GRIA4: variants seen among roughly 807,000 people sequenced by gnomAD.
GRIA4 encodes the protein glutamate ionotropic receptor AMPA type subunit 4.
In GRIA4, 34 loss-of-function variants were observed where a neutral mutation model predicts 104.0. That is an observed-to-expected ratio of 0.33 (90% CI 0.25 to 0.44). The LOEUF (loss-of-function observed/expected upper bound fraction) is 0.44. GRIA4 is among the 20% of genes least tolerant of loss of function. The probability of loss-of-function intolerance (pLI) is 1.00; values close to 1 mark genes in which losing one functional copy is unlikely to be tolerated. For missense variants in GRIA4, 750 were observed against 1,096.5 expected, an observed-to-expected ratio of 0.68 and a Z score of 4.46; for synonymous variants, 386 against 381.9, an observed-to-expected ratio of 1.01 and a Z score of -0.13.
intron 4 of GRIA4, among the ~76,000 whole-genome samples, chr11:105,842,501 T>C (rs1218810287): frequency 6.6e-6 from 1 of 152,170 alleles, no homozygotes; most frequent in Non-Finnish European, 1.5e-5. Flanking sequence ...TTGAGAAGTT[T>C]CCATGTATAT....
intron 3 of GRIA4, among the ~76,000 whole-genome samples, chr11:105,639,110 G>T (rs939297866): frequency 5.3e-5 from 8 of 152,052 alleles, no homozygotes; most frequent in Non-Finnish European, 1.2e-4. Flanking sequence ...CTTGGAATGG[G>T]AATACTTACT....
At chr11:105,695,332 G>T (rs141248038) in intron 3 of GRIA4, among the ~76,000 whole-genome samples, 2 of 152,230 alleles carry the variant, frequency 1.3e-5, no homozygotes, top group East Asian at 3.9e-4. Context: ...CTGTGGTGCT[G>T]GTGTCAGCCA....
At chr11:105,778,494 C>T (rs1941557019) in intron 4 of GRIA4, among the ~76,000 whole-genome samples, 1 of 152,156 alleles carries the variant, frequency 6.6e-6, no homozygotes, top group African/African-American at 2.4e-5. Flanking sequence ...ATCACGAGGT[C>T]AGGAGTTTGA....
Position 105,893,839 on chromosome 11 carries a change from C to T in GRIA4, c.727-4430C>T, listed in dbSNP as rs939027545. On this transcript the variant is annotated intron_variant, in intron 6 of 16. Coordinates refer to ENST00000282499, the MANE Select transcript of GRIA4 (RefSeq NM_000829.4). The stretch of plus-strand genomic sequence containing the variant: ...ATCATTTGCCTGCCTGTGGGTCTGC[C>T]GTATACTCTGATAGAAGCAAACCAA... 2.0e-5 allele frequency among the ~76,000 whole-genome samples: 3 copies of T among 152,122 alleles called. 1 individual carries two copies. Among genetic ancestry groups the T allele is most frequent in the African/African-American group, 7.2e-5 (3 of 41,422 alleles).
intron 3 of GRIA4, among the ~76,000 whole-genome samples, chr11:105,715,010 G>A (rs1026921607): frequency 2.0e-5 from 3 of 151,946 alleles, no homozygotes; most frequent in Non-Finnish European, 4.4e-5. Flanking sequence ...CAGACTTGAT[G>A]GCAATAACAA....
chr11:105,854,027 C>T (rs186932057), intron 4 of GRIA4, among the ~76,000 whole-genome samples: 2 of 152,292 alleles, frequency 1.3e-5, no homozygotes, highest in Admixed American at 6.5e-5. Context: ...AATTTCTAAA[C>T]TTTCAGTATT....
intron 14 of GRIA4, chr11:105,966,169 C>A (rs765135126): frequency 4.1e-6 from 3 of 732,096 alleles, no homozygotes; most frequent in Non-Finnish European, 7.0e-6. Flanking sequence ...ATTGCTAGTC[C>A]AGTCCCTTCG....
At chr11:105,630,023 T>C (rs961927840) in intron 3 of GRIA4, among the ~76,000 whole-genome samples, 8 of 152,218 alleles carry the variant, frequency 5.3e-5, no homozygotes, top group Non-Finnish European at 8.8e-5. Context: ...TAAAAGACAG[T>C]AGCTGCATGA....
intron 16 of GRIA4, chr11:105,974,791 C>A: frequency 9.8e-6 from 4 of 409,910 alleles, no homozygotes; most frequent in Non-Finnish European, 1.3e-5. Context: ...ACCAGAATTG[C>A]TCTGTGAAAT....
At chr11:105,829,504 G>C (rs575563322) in intron 4 of GRIA4, among the ~76,000 whole-genome samples, 1 of 151,980 alleles carries the variant, frequency 6.6e-6, no homozygotes, top group African/African-American at 2.4e-5. Flanking sequence ...TCCAGGAACA[G>C]CCATCGCAAT....
chr11:105,887,573 G>A lies in GRIA4; in HGVS notation c.726+1G>A. The A allele has an allele frequency of 7.5e-7, 1 of 1,339,990 alleles. No individual in the cohort carries two copies. Among genetic ancestry groups the A allele is most frequent in the Non-Finnish European group, 1.1e-6 (1 of 940,456 alleles). The allele number at this position is 1,339,990 out of a possible 1,614,324, so 83.0% of individuals were successfully genotyped here. On this transcript the variant is annotated splice_donor_variant, in intron 6 of 16. Coordinates refer to ENST00000282499, the MANE Select transcript of GRIA4 (RefSeq NM_000829.4). LOFTEE classifies it high-confidence loss of function. The stretch of plus-strand genomic sequence containing the variant: ...CTACCATTATATCATTGCAAACTTG[G>A]TAAGAACTTCTTATTTTCTACTTTT...
intron 4 of GRIA4, among the ~76,000 whole-genome samples, chr11:105,816,684 A>T (rs539191458): frequency 6.6e-6 from 1 of 152,210 alleles, no homozygotes; most frequent in South Asian, 2.1e-4. Context: ...ATTATAATAG[A>T]TTATTTCCAT....
At chr11:105,625,199 A>C (rs1327908618) in intron 3 of GRIA4, among the ~76,000 whole-genome samples, 1 of 152,142 alleles carries the variant, frequency 6.6e-6, no homozygotes, top group Non-Finnish European at 1.5e-5. Context: ...GACTTCCGTG[A>C]CAACGAGGAT....
chr11:105,938,874 A>G (rs1948116684), intron 14 of GRIA4, among the ~76,000 whole-genome samples: 1 of 152,162 alleles, frequency 6.6e-6, no homozygotes, highest in African/African-American at 2.4e-5. Context: ...TAATTGCACA[A>G]TAGAATCTAT....
At chr11:105,964,078 T>G (rs145197042) in intron 14 of GRIA4, among the ~76,000 whole-genome samples, 4 of 152,238 alleles carry the variant, frequency 2.6e-5, no homozygotes, top group African/African-American at 9.6e-5. Flanking sequence ...CAAAATAAAT[T>G]AAAACAATTC....
intron 3 of GRIA4, among the ~76,000 whole-genome samples, chr11:105,735,575 A>C (rs896387194): frequency 6.6e-6 from 1 of 152,190 alleles, no homozygotes; most frequent in African/African-American, 2.4e-5. Context: ...TATAAGTAGG[A>C]TCTTACTGTA....
intron 4 of GRIA4, among the ~76,000 whole-genome samples, chr11:105,860,410 A>G (rs1591361804): frequency 6.6e-6 from 1 of 152,288 alleles, no homozygotes; most frequent in East Asian, 1.9e-4. Context: ...CTCGTTTTAA[A>G]TCTTCACTTT....
chr11:105,646,887 G>A (rs1419710182), intron 3 of GRIA4, among the ~76,000 whole-genome samples: 6 of 152,118 alleles, frequency 3.9e-5, no homozygotes, highest in East Asian at 1.9e-4. Context: ...CTCCAGTGAC[G>A]ATTTCATGAC....
At chr11:105,629,330 T>C (rs2135303287) in intron 3 of GRIA4, among the ~76,000 whole-genome samples, 1 of 151,930 alleles carries the variant, frequency 6.6e-6, no homozygotes, top group African/African-American at 2.4e-5. Flanking sequence ...ATAGTAATAC[T>C]CTAGATTTTC....
Sources: allele counts gnomAD v4.1 joint callset (sites outside exome capture counted in the v4.1 genomes callset), GRCh38; gene constraint gnomAD v4.1.1; transcripts MANE v1.5; gene names NCBI Gene and HGNC (gene_info 2026-07-23, HGNC 2026-07-21).